GOLGA4: variants seen among roughly 807,000 people sequenced by gnomAD.
GOLGA4 encodes the protein golgin subfamily A member 4.
Under a neutral mutation model 265.9 loss-of-function variants are expected in GOLGA4, and 169 were observed. The ratio of observed to expected loss-of-function variants is 0.64; its 90% confidence interval spans 0.56 to 0.72. The LOEUF (loss-of-function observed/expected upper bound fraction) is 0.72. Ranked by LOEUF, GOLGA4 falls within the 30% of genes least tolerant of loss-of-function variation. GOLGA4 has a pLI of 0.00. For synonymous variants in GOLGA4, 923 were observed against 855.8 expected (o/e 1.08, Z -1.37); for missense variants, 2,482 against 2,483.4 (o/e 1.00, Z 0.01).
chr3:37,323,851 A>G lies in GOLGA4; in HGVS notation c.1965A>G (p.Thr655=). Residue 655 remains threonine (T), a synonymous_variant, in exon 14 of 24, where the codon ACA becomes ACG. Coordinates refer to ENST00000361924, the MANE Select transcript of GOLGA4 (RefSeq NM_002078.5). ...AAAAGTGTGAACAAGAAAAAGAAACATTGTTGAAAGACAAAGAGATTATCT... is the reference window on the plus strand; with the variant it reads ...AAAAGTGTGAACAAGAAAAAGAAACGTTGTTGAAAGACAAAGAGATTATCT... ...LREKCEQEKE[T]LLKDKEIIFQ... is the part of the protein sequence containing the mutation. The G allele has an allele frequency of 6.2e-7, 1 of 1,610,680 alleles. No homozygotes were observed. The highest frequency in any genetic ancestry group is 8.5e-7 in the Non-Finnish European group (1 of 1,179,304).
chr3:37,296,603 C>T (rs2096879032), intron 7 of GOLGA4, among the ~76,000 whole-genome samples: 1 of 152,134 alleles, frequency 6.6e-6, no homozygotes, highest in Non-Finnish European at 1.5e-5. Context: ...TGGTGTCTCA[C>T]TCTATTGCCT....
At chr3:37,246,727 A>G (rs1578318723) in intron 1 of GOLGA4, among the ~76,000 whole-genome samples, 1 of 152,200 alleles carries the variant, frequency 6.6e-6, no homozygotes, top group Admixed American at 6.5e-5. Flanking sequence ...AGTTCATGCC[A>G]CTGAATTGTA....
intron 2 of GOLGA4, among the ~76,000 whole-genome samples, chr3:37,261,134 G>A (rs539743932): frequency 4.6e-5 from 7 of 151,926 alleles, no homozygotes; most frequent in African/African-American, 1.4e-4. Flanking sequence ...CTGCGCCACC[G>A]CACTCCACCC....
chr3:37,311,615 A>C (rs769303892), intron 10 of GOLGA4, among the ~76,000 whole-genome samples: 2 of 152,218 alleles, frequency 1.3e-5, no homozygotes, highest in Non-Finnish European at 2.9e-5. Flanking sequence ...TTCAGTTACC[A>C]TATGTCAATG....
chr3:37,314,359 G>A (rs1036895948), intron 10 of GOLGA4, among the ~76,000 whole-genome samples: 1 of 152,060 alleles, frequency 6.6e-6, no homozygotes, highest in Non-Finnish European at 1.5e-5. Context: ...TTAAAGACCT[G>A]GCCAGATGCA....
At chr3:37,264,164 A>T (rs1029670622) in intron 2 of GOLGA4, among the ~76,000 whole-genome samples, 1 of 152,212 alleles carries the variant, frequency 6.6e-6, no homozygotes, top group Admixed American at 6.5e-5. Flanking sequence ...TTTTTCTTTT[A>T]AAATTTCAAA....
intron 12 of GOLGA4, among the ~76,000 whole-genome samples, chr3:37,320,960 A>G (rs183049352): frequency 6.6e-6 from 1 of 152,332 alleles, no homozygotes; most frequent in East Asian, 1.9e-4. Context: ...TACTCATAAC[A>G]TGGTACAAAA....
At chr3:37,360,841 C>T (rs1696196881) in intron 22 of GOLGA4, among the ~76,000 whole-genome samples, 1 of 151,968 alleles carries the variant, frequency 6.6e-6, no homozygotes, top group African/African-American at 2.4e-5. Flanking sequence ...CATCATTTTC[C>T]CGAAAACTTT....
chr3:37,315,684 A>C (rs2096935702), intron 11 of GOLGA4, 86 bp downstream of exon 11: 4 of 1,142,354 alleles, frequency 3.5e-6, no homozygotes, highest in Middle Eastern at 2.1e-4. Flanking sequence ...TGTAAAGAAG[A>C]GTTTGTTTGT....
In GOLGA4 at chr3:37,291,603, C is replaced by G. The variant is rs1374264485; in HGVS notation, c.582+2312C>G. Among the ~76,000 whole-genome samples, 5 of 152,158 alleles carry G rather than the reference C, an allele frequency of 3.3e-5. No homozygotes were observed. The East Asian group carries it at 9.6e-4, about 29-fold the overall frequency. ...AGAGCTCACTGGCTGAAAAGCATGC[C>G]TTGTCATGCTTGTCTGTGGTAAAAT... On this transcript the variant is annotated intron_variant, in intron 5 of 23. Coordinates refer to ENST00000361924, the MANE Select transcript of GOLGA4 (RefSeq NM_002078.5).
intron 4 of GOLGA4, among the ~76,000 whole-genome samples, chr3:37,286,617 A>G (rs991087713): frequency 6.6e-6 from 1 of 152,144 alleles, no homozygotes; most frequent in Non-Finnish European, 1.5e-5. Context: ...AGATCTCGGT[A>G]GTGTTTAAGA....
intron 2 of GOLGA4, among the ~76,000 whole-genome samples, chr3:37,253,094 A>T (rs1021886199): frequency 4.0e-5 from 6 of 150,792 alleles, no homozygotes; most frequent in African/African-American, 1.5e-4. Flanking sequence ...GCAAAAATAA[A>T]ATAAAATAAA....
intron 21 of GOLGA4, among the ~76,000 whole-genome samples, chr3:37,348,858 G>A (rs2097064500): frequency 6.6e-6 from 1 of 152,114 alleles, no homozygotes; most frequent in African/African-American, 2.4e-5. Context: ...GAAAGACCTA[G>A]CATAAGCATA....
At chr3:37,356,011 G>A (rs140153138) in intron 22 of GOLGA4, among the ~76,000 whole-genome samples, 146 of 152,138 alleles carry the variant, frequency 9.6e-4, no homozygotes, top group African/African-American at 3.1e-3. Flanking sequence ...GTGGGTTAGC[G>A]TGTGTCTGAG....
intron 2 of GOLGA4, among the ~76,000 whole-genome samples, chr3:37,277,623 A>G (rs184846365): frequency 2.0e-5 from 3 of 152,342 alleles, no homozygotes; most frequent in Admixed American, 1.3e-4. Context: ...TTTTCTGTCA[A>G]TGAGTGAGAT....
At chr3:37,332,351 G>A (rs2096993490) in intron 16 of GOLGA4, among the ~76,000 whole-genome samples, 4 of 152,120 alleles carry the variant, frequency 2.6e-5, no homozygotes, top group Admixed American at 2.6e-4. Context: ...CGGGGGTGGT[G>A]TGGTGCATGG....
rs2096856015 is a variant in GOLGA4 at position 37,288,456 on chromosome 3, T to C, written c.526-779T>C. On this transcript the variant is annotated intron_variant, in intron 4 of 23. Coordinates refer to ENST00000361924, the MANE Select transcript of GOLGA4 (RefSeq NM_002078.5). ...TATGGTTACTAATTTAGCCATCTGA[T>C]GTTCTTTGTGAATTTTTCTGGATGG... Among the ~76,000 whole-genome samples the C allele has an allele frequency of 2.0e-5, 3 of 149,812 alleles. No homozygotes were observed. In the South Asian group the frequency reaches 6.3e-4, roughly 31 times the overall value.
intron 23 of GOLGA4, 42 bp from the exon 24 acceptor site, chr3:37,366,038 T>G: frequency 6.7e-7 from 1 of 1,500,472 alleles, no homozygotes; most frequent in Non-Finnish European, 8.9e-7. Flanking sequence ...TTTGGATTTT[T>G]TTGCCCCCTT....
At chr3:37,354,597 T>G (rs922827917) in intron 21 of GOLGA4, among the ~76,000 whole-genome samples, 1 of 152,128 alleles carries the variant, frequency 6.6e-6, no homozygotes, top group Admixed American at 6.6e-5. Context: ...AAATGTAATT[T>G]GTATTTCTAT....
Sources: gnomAD v4.1 joint callset for allele counts (sites outside exome capture counted in the v4.1 genomes callset) on GRCh38, gnomAD v4.1.1 for gene constraint, MANE v1.5 for transcripts, NCBI Gene and HGNC (gene_info 2026-07-23, HGNC 2026-07-21) for gene names.